APOBEC3A: variants seen among roughly 807,000 people sequenced by gnomAD.
APOBEC3A encodes the protein apolipoprotein B mRNA editing enzyme catalytic subunit 3A.
In APOBEC3A, 13 loss-of-function variants were observed where a neutral mutation model predicts 23.0. The observed-to-expected ratio is 0.57, with a 90% CI of 0.37 to 0.90. The LOEUF is 0.90. Ranked by LOEUF, APOBEC3A falls within the 40% of genes least tolerant of loss-of-function variation. The probability of loss-of-function intolerance (pLI) is 0.01; values close to 1 mark genes in which losing one functional copy is unlikely to be tolerated. For missense variants in APOBEC3A, 179 were observed against 264.9 expected (o/e 0.68, Z 2.25); for synonymous variants, 74 against 101.3 (o/e 0.73, Z 1.62).
At chr22:38,960,529 C>A (rs188139463) in intron 2 of APOBEC3A, among the ~76,000 whole-genome samples, 2 of 152,222 alleles carry the variant, frequency 1.3e-5, no homozygotes, top group Non-Finnish European at 2.9e-5. Flanking sequence ...CTGTCCCCAA[C>A]TTGACCGATT....
rs750512993 is a variant in APOBEC3A at position 38,957,686 on chromosome 22, A to G, written c.-6A>G. 6.2e-7 allele frequency: 1 copy of G among 1,612,806 alleles called. No individual in the cohort carries two copies. The highest frequency in any genetic ancestry group is 2.2e-5 in the East Asian group (1 of 44,886). ...CACAGACCAGGAACCGAGAAGGGACAAGCACATGGAAGCCAGCCCAGCATC... is the reference window on the plus strand; with the variant it reads ...CACAGACCAGGAACCGAGAAGGGACGAGCACATGGAAGCCAGCCCAGCATC... On this transcript the variant is annotated 5_prime_UTR_variant, in exon 1 of 5. Coordinates refer to ENST00000249116, the MANE Select transcript of APOBEC3A (RefSeq NM_145699.4).
intron 2 of APOBEC3A, among the ~76,000 whole-genome samples, chr22:38,960,223 ACCCAGCACAG>A (rs904499867): frequency 7.2e-5 from 11 of 152,124 alleles, no homozygotes; most frequent in African/African-American, 2.7e-4. Context: ...CCTGGCCCCT[ACCCAGCACAG>A]CCTCTGTCTG....
At position 38,957,621 on chromosome 22, in the gene APOBEC3A, C is replaced by A. The variant is rs371541837; in HGVS notation, c.-71C>A. The A allele has an allele frequency of 1.2e-4, 184 of 1,576,104 alleles. No individual in the cohort carries two copies. Among genetic ancestry groups the A allele is most frequent in the Non-Finnish European group, 1.4e-4 (167 of 1,156,068 alleles). On this transcript the variant is annotated 5_prime_UTR_variant, in exon 1 of 5. Transcript: ENST00000249116. ...ATCCTAAGAGAATGTTGGTGAAGATCTTAACACCACGCCTTGAGCAAGTCG... is the reference window on the plus strand; with the variant it reads ...ATCCTAAGAGAATGTTGGTGAAGATATTAACACCACGCCTTGAGCAAGTCG...
At position 38,959,572 on chromosome 22, in the gene APOBEC3A, CAACTTT is replaced by C; in HGVS notation, c.64_69del (p.Phe22_Asn23del). On this transcript the variant is annotated inframe_deletion, in exon 2 of 5. Transcript: ENST00000249116. ...TGATGGATCCACACATATTCACTTC[CAACTTT>C]AACAATGGCATTGGAAGGCATAAGA... 1 of 1,614,058 alleles carries C rather than the reference CAACTTT, an allele frequency of 6.2e-7. No individual in the cohort carries two copies. The highest frequency in any genetic ancestry group is 8.5e-7 in the Non-Finnish European group (1 of 1,179,978).
chr22:38,962,521 C>T lies in APOBEC3A; in HGVS notation c.*12C>T. 6.3e-7 allele frequency: 1 copy of T among 1,585,632 alleles called. No homozygotes were observed. Among genetic ancestry groups the T allele is most frequent in the Non-Finnish European group, 8.6e-7 (1 of 1,165,794 alleles). On this transcript the variant is annotated 3_prime_UTR_variant, in exon 5 of 5. Transcript: ENST00000249116. ...ATCAGGGAAACTGAAGGATGGGCCTCAGTCTCTAAGGAAGGCAGAGACCTG... is the reference window on the plus strand; with the variant it reads ...ATCAGGGAAACTGAAGGATGGGCCTTAGTCTCTAAGGAAGGCAGAGACCTG...
At position 38,957,729 on chromosome 22, in the gene APOBEC3A, A is replaced by G. The variant is rs367976876; in HGVS notation, c.29+9A>G. The G allele has an allele frequency of 5.3e-5, 86 of 1,611,116 alleles. No homozygotes were observed. The highest frequency in any genetic ancestry group is 7.1e-5 in the Non-Finnish European group (84 of 1,178,598). On this transcript the variant is annotated intron_variant, in intron 1 of 4. Coordinates refer to ENST00000249116, the MANE Select transcript of APOBEC3A (RefSeq NM_145699.4). Reference sequence around the variant, plus strand: ...CCAGCATCCGGGCCCAGGTATGGGAAGCCCCTCCGAGCACCTCTGCGCCTC... The same window carrying G: ...CCAGCATCCGGGCCCAGGTATGGGAGGCCCCTCCGAGCACCTCTGCGCCTC...
In APOBEC3A at chr22:38,962,199, C is replaced by A. The variant is rs746848561; in HGVS notation, c.571C>A (p.Arg191=). The A allele has an allele frequency of 3.1e-6, 5 of 1,613,462 alleles. No homozygotes were observed. In the African/African-American group the frequency reaches 5.4e-5, roughly 17 times the overall value. ...CAGCCAAGCCCTGAGTGGGAGGCTG[C>A]GGGCCATTCTCCAGGTGAGGGCTTC... ...EHSQALSGRL[R]AILQNQGN Residue 191 remains arginine (R), a synonymous_variant, in exon 4 of 5, where the codon CGG becomes AGG. Transcript: ENST00000249116.
chr22:38,962,334 C>A, intron 4 of APOBEC3A, 121 bp downstream of exon 4: 1 of 1,566,200 alleles, frequency 6.4e-7, no homozygotes, highest in Non-Finnish European at 8.7e-7. Flanking sequence ...CACAGGGCGC[C>A]CAGCTCCGTC....
chr22:38,958,212 A>G (rs1922656046), intron 1 of APOBEC3A, among the ~76,000 whole-genome samples: 2 of 152,194 alleles, frequency 1.3e-5, no homozygotes, highest in Admixed American at 1.3e-4. Context: ...TGAGTGGTAG[A>G]GCCCAGATTC....
rs574825947 is a variant in APOBEC3A, at chr22:38,957,633, C to T, written c.-59C>T. On this transcript the variant is annotated 5_prime_UTR_variant, in exon 1 of 5. Transcript: ENST00000249116. Reference sequence around the variant, plus strand: ...TGTTGGTGAAGATCTTAACACCACGCCTTGAGCAAGTCGCAAGAGCGGGAG... The same window carrying T: ...TGTTGGTGAAGATCTTAACACCACGTCTTGAGCAAGTCGCAAGAGCGGGAG... 2.5e-6 allele frequency: 4 copies of T among 1,596,530 alleles called. No homozygotes were observed. Among genetic ancestry groups the T allele is most frequent in the South Asian group, 2.3e-5 (2 of 88,854 alleles).
chr22:38,960,588 A>G (rs1342071018), intron 2 of APOBEC3A, among the ~76,000 whole-genome samples: 3 of 152,188 alleles, frequency 2.0e-5, no homozygotes, highest in Admixed American at 6.5e-5. Context: ...AGTAAATACC[A>G]TATTTCTATA....
chr22:38,962,849 T>A lies in APOBEC3A; in HGVS notation c.*340T>A, dbSNP rs1922973864. On this transcript the variant is annotated 3_prime_UTR_variant, in exon 5 of 5. Transcript: ENST00000249116. ...GGCGGGCGCCTGTAGTCCCAGCTAC[T>A]CTGGAGGCTGAGGCAGGAGAGTAGC... The A allele has an allele frequency of 2.4e-6, 1 of 421,488 alleles. No individual in the cohort carries two copies. 26.1% of individuals were successfully genotyped at this position (421,488 alleles called of 1,614,324 possible).
At chr22:38,958,479 CTTTCTTTCCTTCTTTCTTTCTT>C (rs1922683209) in intron 1 of APOBEC3A, among the ~76,000 whole-genome samples, 3 of 146,330 alleles carry the variant, frequency 2.1e-5, no homozygotes. Flanking sequence ...CTTTCTCTTT[CTTTCTTTCCTTCTTTCTTTCTT>C]TTTCTTTCAT....
chr22:38,959,632 G>A lies in APOBEC3A; in HGVS notation c.120G>A (p.Leu40=), dbSNP rs371615228. The change falls in exon 2 of 5, where the codon CTG becomes CTA. Residue 40 remains leucine, a synonymous_variant. Coordinates refer to ENST00000249116, the MANE Select transcript of APOBEC3A (RefSeq NM_145699.4). ...ACCTGTGCTACGAAGTGGAGCGCCT[G>A]GACAATGGCACCTCGGTCAAGATGG... ...KTYLCYEVER[L]DNGTSVKMDQ... The A allele has an allele frequency of 5.6e-6, 9 of 1,614,026 alleles. No individual in the cohort carries two copies. Among genetic ancestry groups the A allele is most frequent in the Non-Finnish European group, 7.6e-6 (9 of 1,180,032 alleles).
chr22:38,962,536 G>A lies in APOBEC3A; in HGVS notation c.*27G>A. 1 of 1,560,062 alleles carries A rather than the reference G, an allele frequency of 6.4e-7. No individual in the cohort carries two copies. The highest frequency in any genetic ancestry group is 1.2e-5 in the South Asian group (1 of 85,196). On this transcript the variant is annotated 3_prime_UTR_variant, in exon 5 of 5. Coordinates refer to ENST00000249116, the MANE Select transcript of APOBEC3A (RefSeq NM_145699.4). ...GGATGGGCCTCAGTCTCTAAGGAAG[G>A]CAGAGACCTGGGTTGAGCAGCAGAA...
chr22:38,961,387 G>C lies in APOBEC3A; in HGVS notation c.175G>C (p.Ala59Pro), dbSNP rs773629271. 11 of 1,197,490 alleles carry C rather than the reference G, an allele frequency of 9.2e-6. No individual in the cohort carries two copies. Among genetic ancestry groups the C allele is most frequent in the Non-Finnish European group, 1.3e-5 (11 of 835,402 alleles). The allele number at this position is 1,197,490 out of a possible 1,614,324, so 74.2% of individuals were successfully genotyped here. The change falls in exon 3 of 5, where the codon GCT (alanine) becomes CCT (proline). Residue 59 changes from alanine to proline, a missense_variant and splice_region_variant. By Grantham distance (27) the Ala-to-Pro change is conservative. Around this residue, in one of 5 missense-constraint regions of APOBEC3A, gnomAD observed 87 missense variants for 74.5 expected, o/e 1.17. Transcript: ENST00000249116. ...CCTCACACTCTGTTTCCTTTTCTAG[G>C]CTAAGAATCTTCTCTGTGGCTTTTA... ...DQHRGFLHNQAKNLLCGFYGR... is the reference protein window; with the variant it reads ...DQHRGFLHNQPKNLLCGFYGR...
chr22:38,962,964 A>T lies in APOBEC3A; in HGVS notation c.*455A>T. On this transcript the variant is annotated 3_prime_UTR_variant, in exon 5 of 5. Coordinates refer to ENST00000249116, the MANE Select transcript of APOBEC3A (RefSeq NM_145699.4). ...CAGTACCAGACTCCATCTCAAAAAA[A>T]AAAAAACCAGACTGAATTAATTTTA... 1 of 183,320 alleles carries T rather than the reference A, an allele frequency of 5.5e-6. No homozygotes were observed. Among genetic ancestry groups the T allele is most frequent in the Admixed American group, 5.8e-5 (1 of 17,320 alleles). The allele number at this position is 183,320 out of a possible 1,614,324, so 11.4% of individuals were successfully genotyped here.
Position 38,957,728 on chromosome 22 carries a change from A to G in APOBEC3A, c.29+8A>G. The stretch of plus-strand genomic sequence containing the variant: ...CCCAGCATCCGGGCCCAGGTATGGG[A>G]AGCCCCTCCGAGCACCTCTGCGCCT... On this transcript the variant is annotated splice_region_variant and intron_variant, in intron 1 of 4. Coordinates refer to ENST00000249116, the MANE Select transcript of APOBEC3A (RefSeq NM_145699.4). 6.2e-7 allele frequency: 1 copy of G among 1,611,614 alleles called. No homozygotes were observed. Among genetic ancestry groups the G allele is most frequent in the South Asian group, 1.1e-5 (1 of 90,508 alleles).
In APOBEC3A at chr22:38,962,275, G is replaced by T. The variant is rs140719713; in HGVS notation, c.585+62G>T. On this transcript the variant is annotated intron_variant, in intron 4 of 4. Coordinates refer to ENST00000249116, the MANE Select transcript of APOBEC3A (RefSeq NM_145699.4). ...CCTCCCCCTCCTCCCCACTCCCCTG[G>T]GCCTTGCCTTCCCCTCTGCTCAGAG... is the stretch of plus-strand genomic sequence containing the variant. 3.7e-4 allele frequency: 599 copies of T among 1,611,560 alleles called. 3 individuals carry two copies. The East Asian group carries it at 5.2e-3, about 14-fold the overall frequency.
Sources: allele counts gnomAD v4.1 joint callset (sites outside exome capture counted in the v4.1 genomes callset), GRCh38; gene constraint gnomAD v4.1.1; regional missense constraint gnomAD v4.1.1; transcripts MANE v1.5; gene names NCBI Gene and HGNC (gene_info 2026-07-23, HGNC 2026-07-21).